Variants in EVC2 observed in about 807,000 individuals in gnomAD.
EVC2 encodes the protein EvC ciliary complex subunit 2, also known as limbin.
EVC2 carries 148 observed loss-of-function variants against 149.3 expected under a neutral mutation model. The ratio of observed to expected loss-of-function variants is 0.99; its 90% CI spans 0.87 to 1.14. The LOEUF (loss-of-function observed/expected upper bound fraction) is 1.14. EVC2 is among the 50% of genes most tolerant of loss of function. The pLI is 0.00. For missense variants in EVC2, 1,854 were observed against 1,627.3 expected (o/e 1.14, Z -2.40); for synonymous variants, 776 against 649.9 (o/e 1.19, Z -2.95).
chr4:5,577,444 G>C (rs1723000891), intron 17 of EVC2, among the ~76,000 whole-genome samples: 1 of 152,196 alleles, frequency 6.6e-6, no homozygotes, highest in Non-Finnish European at 1.5e-5. Context: ...AGATTGGTCA[G>C]TACTATAATT....
chr4:5,543,436 A>G (rs992763910), intron 21 of EVC2, among the ~76,000 whole-genome samples: 1 of 152,262 alleles, frequency 6.6e-6, no homozygotes, highest in Non-Finnish European at 1.5e-5. Context: ...TTCAACGGCA[A>G]GAGGCTAGCC....
intron 22 of EVC2, chr4:5,543,045 C>G (rs1330384122): frequency 2.2e-6 from 2 of 905,478 alleles, no homozygotes; most frequent in Middle Eastern, 2.6e-4. Flanking sequence ...TTCTGACTTA[C>G]TATTACGCAA....
chr4:5,647,247 G>T (rs1468716994), intron 9 of EVC2, among the ~76,000 whole-genome samples: 1 of 152,174 alleles, frequency 6.6e-6, no homozygotes, highest in East Asian at 1.9e-4. Flanking sequence ...GGCCACGTGT[G>T]CCCTGTAAGA....
intron 1 of EVC2, among the ~76,000 whole-genome samples, chr4:5,705,754 A>C (rs1722090891): frequency 1.3e-5 from 2 of 152,072 alleles, no homozygotes; most frequent in Admixed American, 1.3e-4. Flanking sequence ...TGAGAAAATG[A>C]GTAGAAAAAG....
Position 5,565,383 on chromosome 4 carries a change from T to C in EVC2, c.3558-24A>G, listed in dbSNP as rs57901231. 1,012 of 1,611,612 alleles carry C rather than the reference T, an allele frequency of 6.3e-4. 2 individuals carry two copies. In the African/African-American group the frequency reaches 8.7e-3, roughly 14 times the overall value. On this transcript the variant is annotated intron_variant, in intron 20 of 21. Transcript: ENST00000344408. ...TCCTGCAGGCAAGAAGGGAGTCTTATAGTTTCAAAAATACGCCTGTAATCC... is the reference window on the plus strand; with the variant it reads ...TCCTGCAGGCAAGAAGGGAGTCTTACAGTTTCAAAAATACGCCTGTAATCC...
intron 21 of EVC2, among the ~76,000 whole-genome samples, chr4:5,565,007 G>C (rs1722185154): frequency 6.6e-6 from 1 of 152,302 alleles, no homozygotes; most frequent in African/African-American, 2.4e-5. Flanking sequence ...ATTAAAAATA[G>C]CCATTAGCTA....
chr4:5,610,794 C>CTT (rs10690279), intron 16 of EVC2, among the ~76,000 whole-genome samples: 41,063 of 126,022 alleles, frequency 0.33, 7,589 homozygotes, highest in East Asian at 0.6. Flanking sequence ...TTTTCCTTTT[C>CTT]TTTTTTTTTT....
At position 5,569,635 on chromosome 4, in the gene EVC2, C is replaced by T. The variant is rs1722527575; in HGVS notation, c.3361-995G>A. ...GAAGGAGCAGTGTCCAGCCAGGGGC[C>T]TGTGCAGGGGCAGGCAGGGGTGGGA... On this transcript the variant is annotated intron_variant, in intron 19 of 21. Transcript: ENST00000344408. The surrounding 1 kb of genome is among the most constrained non-coding windows in gnomAD (Gnocchi z 4.8). 6.6e-6 allele frequency among the ~76,000 whole-genome samples: 1 copy of T among 151,972 alleles called. No homozygotes were observed. The highest frequency in any genetic ancestry group is 2.4e-5 in the African/African-American group (1 of 41,364).
rs558973537 is a variant in EVC2, at chr4:5,613,262, C to G, written c.2829+2160G>C. On this transcript the variant is annotated intron_variant, in intron 16 of 21. Transcript: ENST00000344408. The surrounding 1 kb of genome is among the most constrained non-coding windows in gnomAD (Gnocchi z 4.6). The stretch of plus-strand genomic sequence containing the variant: ...GGCAGCCTTGTCACAGGGCTTCAAC[C>G]CTCTGGGTTCCCTCTGTGCACTGTG... Among the ~76,000 whole-genome samples, 44 of 152,298 alleles carry G rather than the reference C, an allele frequency of 2.9e-4. No homozygotes were observed. The highest frequency in any genetic ancestry group is 1.0e-3 in the African/African-American group (43 of 41,576).
intron 16 of EVC2, among the ~76,000 whole-genome samples, chr4:5,602,219 G>T (rs982395231): frequency 6.8e-6 from 1 of 147,354 alleles, no homozygotes; most frequent in Non-Finnish European, 1.5e-5. Flanking sequence ...CCACCCTGGA[G>T]TTCAAGGTTA....
Position 5,567,911 on chromosome 4 carries a change from G to A in EVC2, c.3557+533C>T, listed in dbSNP as rs536838251. On this transcript the variant is annotated intron_variant, in intron 20 of 21. Coordinates refer to ENST00000344408, the MANE Select transcript of EVC2 (RefSeq NM_147127.5). The surrounding 1 kb of genome is among the most constrained non-coding windows in gnomAD (Gnocchi z 4.4). ...TAAGTAATGGGATAAGAATTACATA[G>A]GGGGATGTTTGCATGAGCGTTAAAA... 6.6e-6 allele frequency among the ~76,000 whole-genome samples: 1 copy of A among 152,306 alleles called. No individual in the cohort carries two copies. Among genetic ancestry groups the A allele is most frequent in the East Asian group, 1.9e-4 (1 of 5,192 alleles).
rs779480093 is a variant in EVC2, at chr4:5,665,509, A to G, written c.1005+6T>C. 6.2e-7 allele frequency: 1 copy of G among 1,613,962 alleles called. No individual in the cohort carries two copies. Among genetic ancestry groups the G allele is most frequent in the Admixed American group, 1.7e-5 (1 of 60,000 alleles). ...ACCTTCCAAACCACCCTCAGGGAAG[A>G]CTCACCCGATGTCTGGTGAGCATGT... On this transcript the variant is annotated splice_donor_region_variant and intron_variant, in intron 8 of 21. Coordinates refer to ENST00000344408, the MANE Select transcript of EVC2 (RefSeq NM_147127.5).
At chr4:5,534,538 A>G in the EVC2 span, among the ~76,000 whole-genome samples, 1 of 152,364 alleles carries the variant, frequency 6.6e-6, no homozygotes, top group Non-Finnish European at 1.5e-5. Context: ...TTTTTCTTCC[A>G]GAGGATTGTG....
intron 16 of EVC2, among the ~76,000 whole-genome samples, chr4:5,593,971 G>C (rs913220598): frequency 5.3e-5 from 8 of 152,232 alleles, no homozygotes. Flanking sequence ...CTGATTGCTA[G>C]CACGGCAGTC....
At chr4:5,666,033 G>A (rs1719258697) in intron 7 of EVC2, among the ~76,000 whole-genome samples, 1 of 152,172 alleles carries the variant, frequency 6.6e-6, no homozygotes, top group South Asian at 2.1e-4. Context: ...GCAGAGGCCA[G>A]AGGAAGAACC....
chr4:5,622,325 G>A lies in EVC2; in HGVS notation c.2501+212C>T, dbSNP rs1219902228. 6.6e-6 allele frequency among the ~76,000 whole-genome samples: 1 copy of A among 152,064 alleles called. No homozygotes were observed. Among genetic ancestry groups the A allele is most frequent in the East Asian group, 1.9e-4 (1 of 5,182 alleles). On this transcript the variant is annotated intron_variant, in intron 14 of 21. Transcript: ENST00000344408. This position sits in a 1 kb window ranked among gnomAD's most constrained non-coding sequence, Gnocchi z 5.8. Reference sequence around the variant, plus strand: ...TGTTACTACAAACCCTATGGCCCTGGTTCTGCACTCTGCTCAATCCTTGTA... The same window carrying A: ...TGTTACTACAAACCCTATGGCCCTGATTCTGCACTCTGCTCAATCCTTGTA...
intron 9 of EVC2, among the ~76,000 whole-genome samples, chr4:5,655,448 G>A (rs558376999): frequency 4.6e-5 from 7 of 152,190 alleles, no homozygotes; most frequent in East Asian, 1.9e-4. Flanking sequence ...CCTCTTCCCC[G>A]CTACCACCCC....
Position 5,628,731 on chromosome 4 carries a change from T to TC in EVC2, c.1713dup (p.Asn572GlufsTer12), listed in dbSNP as rs1553836165. The TC allele has an allele frequency of 1.4e-5, 22 of 1,594,854 alleles. No individual in the cohort carries two copies. The highest frequency in any genetic ancestry group is 1.9e-5 in the Non-Finnish European group (22 of 1,177,712). Reference sequence around the variant, plus strand: ...AAAAAGTCCATTAACTCTTCTACATTCTCCTGTCAATTAAAAAAAAAAACA... The same window carrying TC: ...AAAAAGTCCATTAACTCTTCTACATTCCTCCTGTCAATTAAAAAAAAAAACA... On this transcript the variant is annotated frameshift_variant, in exon 12 of 22. Coordinates refer to ENST00000344408, the MANE Select transcript of EVC2 (RefSeq NM_147127.5). LOFTEE classifies it high-confidence loss of function.
Position 5,628,754 on chromosome 4 carries a change from A to C in EVC2, c.1711-20T>G, listed in dbSNP as rs58869180. On this transcript the variant is annotated intron_variant, in intron 11 of 21. Coordinates refer to ENST00000344408, the MANE Select transcript of EVC2 (RefSeq NM_147127.5). Reference sequence around the variant, plus strand: ...ATTCTCCTGTCAATTAAAAAAAAAAACAAGAAAATATGCCTAATTAAAATT... The same window carrying C: ...ATTCTCCTGTCAATTAAAAAAAAAACCAAGAAAATATGCCTAATTAAAATT... 0.015 allele frequency: 21,698 copies of C among 1,484,598 alleles called. 2,202 individuals are homozygous for C. The African/African-American group carries it at 0.24, about 17-fold the overall frequency. 92.0% of individuals were successfully genotyped at this position (1,484,598 alleles called of 1,614,324 possible).
Sources: gnomAD v4.1 joint callset for allele counts (sites outside exome capture counted in the v4.1 genomes callset) on GRCh38, gnomAD v4.1.1 for gene constraint, Gnocchi (gnomAD v3.1) non-coding constraint, MANE v1.5 for transcripts, NCBI Gene and HGNC (gene_info 2026-07-23, HGNC 2026-07-21) for gene names.